The following NDFIP2 variants were observed in gnomAD, a reference collection of about 807,000 sequenced individuals.
NDFIP2 encodes NEDD4 family-interacting protein 2.
A neutral mutation model predicts 36.0 loss-of-function variants in NDFIP2; 19 were observed. The ratio of observed to expected loss-of-function variants is 0.53; its 90% confidence interval spans 0.37 to 0.77. The LOEUF (loss-of-function observed/expected upper bound fraction) is 0.77, where lower values mean the gene tolerates loss of function less well. Ranked by LOEUF, NDFIP2 falls within the 30% of genes least tolerant of loss-of-function variation. The pLI, the probability that NDFIP2 is intolerant of heterozygous loss-of-function variation, is 0.00. For missense variants in NDFIP2, 446 were observed against 435.8 expected (o/e 1.02, Z -0.21); for synonymous variants, 181 against 167.7 (o/e 1.08, Z -0.61).
At chr13:79,531,671 TTTC>T (rs1875021830) in intron 2 of NDFIP2, among the ~76,000 whole-genome samples, 2 of 152,214 alleles carry the variant, frequency 1.3e-5, no homozygotes, top group South Asian at 4.1e-4. Flanking sequence ...GCTGCCAACT[TTTC>T]TTCTTTACCT....
chr13:79,506,259 T>G (rs1873864007), intron 1 of NDFIP2, among the ~76,000 whole-genome samples: 1 of 152,096 alleles, frequency 6.6e-6, no homozygotes, highest in Non-Finnish European at 1.5e-5. Flanking sequence ...TTAACAGTCA[T>G]TTAAAAACTT....
At chr13:79,489,966 C>G (rs1873162458) in intron 1 of NDFIP2, among the ~76,000 whole-genome samples, 1 of 152,198 alleles carries the variant, frequency 6.6e-6, no homozygotes. Flanking sequence ...AAGTCAATCT[C>G]CCCTTTCTGT....
At chr13:79,517,053 C>T (rs1874375988) in intron 1 of NDFIP2, among the ~76,000 whole-genome samples, 2 of 152,118 alleles carry the variant, frequency 1.3e-5, no homozygotes, top group African/African-American at 4.8e-5. Flanking sequence ...CAGTATATAT[C>T]TATAAAGACT....
At chr13:79,487,157 T>C (rs1368386933) in intron 1 of NDFIP2, among the ~76,000 whole-genome samples, 2 of 152,166 alleles carry the variant, frequency 1.3e-5, no homozygotes, top group South Asian at 2.1e-4. Flanking sequence ...ATACAGAATA[T>C]TACCATCACC....
intron 3 of NDFIP2, among the ~76,000 whole-genome samples, chr13:79,534,261 C>T (rs992208868): frequency 1.3e-5 from 2 of 150,972 alleles, no homozygotes; most frequent in Non-Finnish European, 2.9e-5. Flanking sequence ...TCTATATTAG[C>T]ATAGCCAGTT....
Position 79,534,350 on chromosome 13 carries a change from G to GTTTTTT in NDFIP2, c.621+912_621+917dup, listed in dbSNP as rs532659161. On this transcript the variant is annotated intron_variant, in intron 3 of 7. Coordinates refer to ENST00000218652, the MANE Select transcript of NDFIP2 (RefSeq NM_019080.3). ...GGCCTTCAAATTATTTTTGTCAGCT[G>GTTTTTT]TTTTTTTTTTTTTTTTTTTTTTTGA... is the stretch of plus-strand genomic sequence containing the variant. 3.4e-4 allele frequency among the ~76,000 whole-genome samples: 32 copies of GTTTTTT among 95,396 alleles called. 1 individual carries two copies. The highest frequency in any genetic ancestry group is 1.4e-3 in the East Asian group (4 of 2,944). The allele number at this position is 95,396 out of a possible 152,430, so 62.6% of individuals were successfully genotyped here.
chr13:79,520,467 G>T (rs1457311320), intron 1 of NDFIP2, among the ~76,000 whole-genome samples: 1 of 152,114 alleles, frequency 6.6e-6, no homozygotes, highest in African/African-American at 2.4e-5. Context: ...AATTACAGTA[G>T]GCCCCCTTAT....
intron 1 of NDFIP2, among the ~76,000 whole-genome samples, chr13:79,507,979 A>T (rs1873935187): frequency 6.6e-6 from 1 of 152,068 alleles, no homozygotes; most frequent in South Asian, 2.1e-4. Context: ...ATGCCTTATT[A>T]TAATGTATAT....
Position 79,484,797 on chromosome 13 carries a change from G to T in NDFIP2, c.321+3273G>T, listed in dbSNP as rs181794786. On this transcript the variant is annotated intron_variant, in intron 1 of 7. Transcript: ENST00000218652. The stretch of plus-strand genomic sequence containing the variant: ...AACCTACAGGTTTTAAAGCCATCTG[G>T]GCTTATATATTAGATTGTGCTGTTT... 5.5e-3 allele frequency among the ~76,000 whole-genome samples: 838 copies of T among 152,088 alleles called. 3 individuals carry two copies. Among genetic ancestry groups the T allele is most frequent in the Non-Finnish European group, 7.5e-3 (507 of 67,988 alleles).
chr13:79,497,720 TTTTC>T (rs1223381053), intron 1 of NDFIP2, among the ~76,000 whole-genome samples: 1 of 151,478 alleles, frequency 6.6e-6, no homozygotes, highest in Non-Finnish European at 1.5e-5. Flanking sequence ...TTTGTTTTGT[TTTTC>T]TTTCATGTTG....
chr13:79,531,862 A>G (rs1875030629), intron 2 of NDFIP2, among the ~76,000 whole-genome samples: 1 of 152,190 alleles, frequency 6.6e-6, no homozygotes, highest in African/African-American at 2.4e-5. Flanking sequence ...CTGTAGTAGC[A>G]CTTTTAATTG....
chr13:79,527,585 G>A (rs1282178011), intron 2 of NDFIP2, among the ~76,000 whole-genome samples: 1 of 152,104 alleles, frequency 6.6e-6, no homozygotes, highest in African/African-American at 2.4e-5. Context: ...TGCACTACTC[G>A]GTGTTTGTGG....
At chr13:79,509,452 G>C (rs1873991380) in intron 1 of NDFIP2, among the ~76,000 whole-genome samples, 1 of 152,102 alleles carries the variant, frequency 6.6e-6, no homozygotes, top group African/African-American at 2.4e-5. Flanking sequence ...CAAGTAACAG[G>C]CTTCAGAGAG....
chr13:79,487,434 T>C (rs1025400770), intron 1 of NDFIP2, among the ~76,000 whole-genome samples: 1 of 152,112 alleles, frequency 6.6e-6, no homozygotes, highest in Non-Finnish European at 1.5e-5. Flanking sequence ...GATATTTGGG[T>C]TTTTAGTTTT....
At position 79,542,022 on chromosome 13, in the gene NDFIP2, C is replaced by T. The variant is rs79384350; in HGVS notation, c.716-1536C>T. ...TACCATAAAATGCCTCAGATACATG[C>T]CTAATGTGCATATCTCTGATCTTAT... is the stretch of plus-strand genomic sequence containing the variant. On this transcript the variant is annotated intron_variant, in intron 4 of 7. Transcript: ENST00000218652. Among the ~76,000 whole-genome samples the T allele has an allele frequency of 4.4e-3, 673 of 152,184 alleles. 8 individuals are homozygous for T. The highest frequency in any genetic ancestry group is 0.014 in the African/African-American group (602 of 41,530).
chr13:79,550,545 T>G (rs1875865023), intron 6 of NDFIP2, among the ~76,000 whole-genome samples: 1 of 151,646 alleles, frequency 6.6e-6, no homozygotes, highest in African/African-American at 2.4e-5. Context: ...TTGATATTAC[T>G]ATACAGGCTT....
At chr13:79,505,153 A>G (rs897617073) in intron 1 of NDFIP2, among the ~76,000 whole-genome samples, 2 of 152,202 alleles carry the variant, frequency 1.3e-5, no homozygotes, top group African/African-American at 4.8e-5. Flanking sequence ...GACCAACACA[A>G]CAGTTACTGC....
chr13:79,521,115 A>G (rs1161092309), intron 2 of NDFIP2, 140 bp downstream of exon 2: 4 of 681,136 alleles, frequency 5.9e-6, no homozygotes, highest in African/African-American at 1.8e-5. Context: ...TACTGTGTGC[A>G]CATATAAATA....
At chr13:79,497,933 G>A (rs1272177772) in intron 1 of NDFIP2, among the ~76,000 whole-genome samples, 1 of 151,548 alleles carries the variant, frequency 6.6e-6, no homozygotes, top group Admixed American at 6.6e-5. Context: ...ATTTAGTTAG[G>A]AAGCTATGGC....
Sources: gnomAD v4.1 joint callset for allele counts (sites outside exome capture counted in the v4.1 genomes callset) on GRCh38, gnomAD v4.1.1 for gene constraint, MANE v1.5 for transcripts, NCBI Gene and HGNC (gene_info 2026-07-23, HGNC 2026-07-21) for gene names.